The following ANXA3 variants were observed in gnomAD, a reference collection of about 807,000 sequenced individuals.
The protein encoded by ANXA3 is annexin A3, also known as 35-alpha calcimedin.
In ANXA3, 46 loss-of-function variants were observed where a neutral mutation model predicts 48.8. The ratio of observed to expected loss-of-function variants is 0.94; its 90% CI spans 0.74 to 1.21. The LOEUF is 1.21. Among genes scored for constraint, ANXA3 ranks in the 50% most tolerant of loss-of-function variants. The pLI is 0.00. For synonymous variants in ANXA3, 128 were observed against 134.7 expected, an observed-to-expected ratio of 0.95 and a Z score of 0.35; for missense variants, 383 against 378.6, an observed-to-expected ratio of 1.01 and a Z score of -0.10.
intron 7 of ANXA3, among the ~76,000 whole-genome samples, chr4:78,593,558 T>C (rs1723349976): frequency 6.6e-6 from 1 of 151,380 alleles, no homozygotes; most frequent in Non-Finnish European, 1.5e-5. Context: ...TTCAGATTTA[T>C]GGAAAAATTG....
intron 8 of ANXA3, 26 bp downstream of exon 8, chr4:78,595,463 T>A (rs199680808): frequency 1.9e-6 from 3 of 1,611,550 alleles, no homozygotes; most frequent in Admixed American, 3.3e-5. Flanking sequence ...GGAAAACATT[T>A]CCTTTACCTA....
chr4:78,609,446 G>C (rs1424337777), intron 12 of ANXA3, among the ~76,000 whole-genome samples: 1 of 152,128 alleles, frequency 6.6e-6, no homozygotes, highest in Non-Finnish European at 1.5e-5. Context: ...ATTTTTGGTT[G>C]GCCTTGGGAA....
intron 1 of ANXA3, among the ~76,000 whole-genome samples, chr4:78,552,816 G>A (rs1439813583): frequency 1.3e-5 from 2 of 152,086 alleles, no homozygotes; most frequent in African/African-American, 2.4e-5. Context: ...TCACGAAGAC[G>A]GAAAACTTCA....
chr4:78,596,343 A>G (rs1035936877), intron 9 of ANXA3, among the ~76,000 whole-genome samples: 1 of 152,270 alleles, frequency 6.6e-6, no homozygotes, highest in Non-Finnish European at 1.5e-5. Flanking sequence ...TAAGTGGTAG[A>G]ATGGATCAAC....
chr4:78,604,607 A>AT (rs887201586), intron 12 of ANXA3, among the ~76,000 whole-genome samples: 1 of 152,086 alleles, frequency 6.6e-6, no homozygotes, highest in South Asian at 2.1e-4. Flanking sequence ...GACACTCAAT[A>AT]TTTTTTTAGG....
intron 4 of ANXA3, among the ~76,000 whole-genome samples, chr4:78,581,730 C>T: frequency 6.6e-6 from 1 of 152,212 alleles, no homozygotes; most frequent in Admixed American, 6.5e-5. Flanking sequence ...TCACCAGAGA[C>T]AAATGACCAG....
Position 78,573,312 on chromosome 4 carries a change from A to C in ANXA3, c.103+45A>C, listed in dbSNP as rs781038523. The C allele has an allele frequency of 2.1e-6, 3 of 1,424,828 alleles. No homozygotes were observed. In the East Asian group the frequency reaches 6.8e-5, roughly 33 times the overall value. 88.3% of individuals were successfully genotyped at this position (1,424,828 alleles called of 1,614,324 possible). A position where few individuals can be genotyped will look rare whatever the true frequency, so the allele number is the denominator to read the frequency against. ...TCCTTTCTTAATGTTGAAGCAAATC[A>C]GGCAAGTTACAATCTAAAAGTTCAG... On this transcript the variant is annotated intron_variant, in intron 3 of 12. Transcript: ENST00000264908.
chr4:78,608,755 G>A (rs1723700747), intron 12 of ANXA3, among the ~76,000 whole-genome samples: 1 of 152,096 alleles, frequency 6.6e-6, no homozygotes, highest in Non-Finnish European at 1.5e-5. Context: ...TCTTTTGGGG[G>A]AGTGGGGGGA....
At chr4:78,585,041 G>A (rs542356071) in intron 5 of ANXA3, among the ~76,000 whole-genome samples, 35 of 152,356 alleles carry the variant, frequency 2.3e-4, no homozygotes, top group African/African-American at 7.9e-4. Flanking sequence ...GTCATTGACT[G>A]ACAGCCACCT....
intron 4 of ANXA3, among the ~76,000 whole-genome samples, chr4:78,579,700 G>A (rs775801733): frequency 2.0e-5 from 3 of 152,120 alleles, no homozygotes; most frequent in Non-Finnish European, 4.4e-5. Context: ...AGGCTGAGGC[G>A]GGTGGATCAC....
chr4:78,601,630 A>G (rs1723545281), intron 11 of ANXA3, 62 bp downstream of exon 11: 9 of 1,322,528 alleles, frequency 6.8e-6, no homozygotes, highest in East Asian at 4.6e-5. Context: ...AAAGTATGCA[A>G]ATAGTAGAAC....
chr4:78,563,726 C>T (rs1374380965), intron 2 of ANXA3, among the ~76,000 whole-genome samples: 6 of 152,180 alleles, frequency 3.9e-5, no homozygotes, highest in Non-Finnish European at 5.9e-5. Context: ...AGACAGACAG[C>T]CACCGTTCTC....
chr4:78,591,426 C>T (rs1723292902), intron 6 of ANXA3, 118 bp from the exon 7 acceptor site: 2 of 671,820 alleles, frequency 3.0e-6, no homozygotes, highest in East Asian at 2.6e-5. Context: ...AATAAAAGGG[C>T]AAGATTTATC....
At chr4:78,575,964 A>G (rs982001368) in intron 3 of ANXA3, among the ~76,000 whole-genome samples, 2 of 152,184 alleles carry the variant, frequency 1.3e-5, no homozygotes, top group African/African-American at 4.8e-5. Flanking sequence ...AGAACAATGT[A>G]TTGAAGAGCT....
At chr4:78,557,504 T>C (rs1327191197) in intron 2 of ANXA3, among the ~76,000 whole-genome samples, 2 of 152,108 alleles carry the variant, frequency 1.3e-5, no homozygotes, top group Non-Finnish European at 2.9e-5. Flanking sequence ...TAGGAGGCTG[T>C]TGTTCTGCCT....
At chr4:78,597,991 C>T (rs992456780) in intron 10 of ANXA3, among the ~76,000 whole-genome samples, 4 of 152,148 alleles carry the variant, frequency 2.6e-5, no homozygotes, top group Non-Finnish European at 5.9e-5. Flanking sequence ...TTCTTGAGAG[C>T]TGAAATATTT....
chr4:78,553,059 T>C (rs1722431697), intron 1 of ANXA3, among the ~76,000 whole-genome samples: 1 of 152,262 alleles, frequency 6.6e-6, no homozygotes, highest in African/African-American at 2.4e-5. Context: ...GTAATAATTC[T>C]TAATAATTTT....
At chr4:78,552,192 C>G (rs1722403963) in intron 1 of ANXA3, 1 of 152,286 alleles carries the variant, frequency 6.6e-6, no homozygotes, top group Non-Finnish European at 1.5e-5. Context: ...CAGCTAGCAG[C>G]GTAAGGGATC....
At position 78,554,416 on chromosome 4, in the gene ANXA3, T is replaced by TA; in HGVS notation, c.-38-18dup. 6.7e-7 allele frequency: 1 copy of TA among 1,496,728 alleles called. No individual in the cohort carries two copies. The highest frequency in any genetic ancestry group is 9.3e-7 in the Non-Finnish European group (1 of 1,075,158). 92.7% of individuals were successfully genotyped at this position (1,496,728 alleles called of 1,614,324 possible). ...TGAATCACATATTGATACCATTTAC[T>TA]AATTGTTTTCTTTTAATAGATTAGT... On this transcript the variant is annotated intron_variant, in intron 1 of 12. Coordinates refer to ENST00000264908, the MANE Select transcript of ANXA3 (RefSeq NM_005139.3).
Sources: allele counts gnomAD v4.1 joint callset (sites outside exome capture counted in the v4.1 genomes callset), GRCh38; gene constraint gnomAD v4.1.1; transcripts MANE v1.5; gene names NCBI Gene and HGNC (gene_info 2026-07-23, HGNC 2026-07-21).